Variants in FAM107B observed in about 807,000 individuals in gnomAD.
FAM107B encodes the protein family with sequence similarity 107 member B, also known as protein FAM107B.
In FAM107B, 21 loss-of-function variants were observed where a neutral mutation model predicts 31.5. That is an observed-to-expected ratio of 0.67 (90% CI 0.47 to 0.96). FAM107B has a LOEUF of 0.96. Among genes scored for constraint, FAM107B ranks in the 40% least tolerant of loss-of-function variants. The pLI is 0.00. For missense variants in FAM107B, 452 were observed against 377.1 expected, an observed-to-expected ratio of 1.20 and a Z score of -1.64; for synonymous variants, 157 against 141.5, an observed-to-expected ratio of 1.11 and a Z score of -0.78.
rs1188858140 is a variant in FAM107B at position 14,685,148 on chromosome 10, T to TA, written c.412-17458_412-17457insT. On this transcript the variant is annotated intron_variant, in intron 1 of 4. Coordinates refer to ENST00000181796, the MANE Select transcript of FAM107B (RefSeq NM_031453.4). ...CAGCCAATAACATCCTTTTATTTTTTTTTTTTTTTTTTTTTTTTGAGACAG... is the reference window on the plus strand; with the variant it reads ...CAGCCAATAACATCCTTTTATTTTTTATTTTTTTTTTTTTTTTTTGAGACAG... 9.8e-3 allele frequency among the ~76,000 whole-genome samples: 1,426 copies of TA among 146,050 alleles called. 46 individuals carry two copies. The highest frequency in any genetic ancestry group is 0.044 in the East Asian group (219 of 5,032).
chr10:14,597,319 C>A (rs748457432), intron 2 of FAM107B, among the ~76,000 whole-genome samples: 4 of 151,076 alleles, frequency 2.6e-5, no homozygotes, highest in Non-Finnish European at 5.9e-5. Flanking sequence ...TTAGCATTCA[C>A]CAGATACCTT....
At chr10:14,572,739 T>TTATATATATATATA (rs61477094) in intron 2 of FAM107B, among the ~76,000 whole-genome samples, 1 of 92,002 alleles carries the variant, frequency 1.1e-5, no homozygotes, top group African/African-American at 3.8e-5. Context: ...AAAAAAAAAT[T>TTATATATATATATA]TATATATATA....
At chr10:14,705,005 T>C (rs1855486104) in intron 1 of FAM107B, among the ~76,000 whole-genome samples, 1 of 118,108 alleles carries the variant, frequency 8.5e-6, no homozygotes, top group East Asian at 2.3e-4. Context: ...GACTGAGCAA[T>C]GGAGTGAGAC....
chr10:14,697,490 A>C (rs1855294414), intron 1 of FAM107B, among the ~76,000 whole-genome samples: 1 of 152,242 alleles, frequency 6.6e-6, no homozygotes, highest in Admixed American at 6.5e-5. Flanking sequence ...TTTGGCTGCA[A>C]ACAATGTGTA....
At chr10:14,756,355 G>C (rs560248184) in intron 1 of FAM107B, among the ~76,000 whole-genome samples, 7 of 152,288 alleles carry the variant, frequency 4.6e-5, no homozygotes, top group Non-Finnish European at 1.0e-4. Context: ...ACGAATCCAG[G>C]AGTAGCTGTG....
In FAM107B at chr10:14,704,966, G is replaced by A. The variant is rs1323487871; in HGVS notation, c.412-37275C>T. Reference sequence around the variant, plus strand: ...TTGAACCCGGGAGGCAGAGCTTGCCGCGAGCCAAGATGGCGCCACTGTACT... The same window carrying A: ...TTGAACCCGGGAGGCAGAGCTTGCCACGAGCCAAGATGGCGCCACTGTACT... On this transcript the variant is annotated intron_variant, in intron 1 of 4. Coordinates refer to ENST00000181796, the MANE Select transcript of FAM107B (RefSeq NM_031453.4). 9.1e-5 allele frequency among the ~76,000 whole-genome samples: 13 copies of A among 143,346 alleles called. No homozygotes were observed. The East Asian group carries it at 2.2e-3, about 24-fold the overall frequency. The allele number at this position is 143,346 out of a possible 152,430, so 94.0% of individuals were successfully genotyped here. A position where few individuals can be genotyped will look rare whatever the true frequency, so the allele number is the denominator to read the frequency against.
intron 1 of FAM107B, among the ~76,000 whole-genome samples, chr10:14,737,177 G>C (rs550539814): frequency 8.9e-4 from 135 of 152,278 alleles, no homozygotes; most frequent in African/African-American, 3.1e-3. Context: ...CTGCCTTACA[G>C]TGGGCTCTTT....
chr10:14,771,459 A>G (rs1301326876), intron 1 of FAM107B, among the ~76,000 whole-genome samples: 2 of 152,196 alleles, frequency 1.3e-5, no homozygotes, highest in African/African-American at 4.8e-5. Context: ...GTGTATTTCA[A>G]AATAGCTAGA....
chr10:14,695,097 C>T (rs932687171), intron 1 of FAM107B, among the ~76,000 whole-genome samples: 1 of 152,066 alleles, frequency 6.6e-6, no homozygotes, highest in African/African-American at 2.4e-5. Flanking sequence ...AGGAGCTTTC[C>T]CCCGGTTTCC....
intron 2 of FAM107B, among the ~76,000 whole-genome samples, chr10:14,550,356 T>C (rs980625132): frequency 6.6e-6 from 1 of 152,226 alleles, no homozygotes; most frequent in African/African-American, 2.4e-5. Flanking sequence ...TCTGCAGCTC[T>C]AGTCCTCGGC....
intron 2 of FAM107B, among the ~76,000 whole-genome samples, chr10:14,604,933 C>T (rs1018823698): frequency 4.6e-5 from 7 of 152,126 alleles, no homozygotes; most frequent in African/African-American, 1.7e-4. Flanking sequence ...TGTGCTCACC[C>T]CCATCTCTCT....
intron 1 of FAM107B, among the ~76,000 whole-genome samples, chr10:14,718,158 C>T (rs538845796): frequency 1.3e-5 from 2 of 152,228 alleles, no homozygotes; most frequent in South Asian, 4.2e-4. Context: ...GAAACCCTGT[C>T]TCTACTAAAA....
chr10:14,553,300 CA>C (rs1156880869), intron 2 of FAM107B: 26 of 1,222,652 alleles, frequency 2.1e-5, no homozygotes, highest in Non-Finnish European at 2.6e-5. Context: ...ATGACCGAGA[CA>C]GTAAATTTCC....
intron 2 of FAM107B, among the ~76,000 whole-genome samples, chr10:14,591,597 C>T (rs1852021447): frequency 6.6e-6 from 1 of 152,148 alleles, no homozygotes; most frequent in African/African-American, 2.4e-5. Context: ...ATTCAAACAA[C>T]AGTCATCGAT....
chr10:14,572,409 G>A (rs1017716390), intron 2 of FAM107B: 2 of 985,218 alleles, frequency 2.0e-6, no homozygotes, highest in South Asian at 4.7e-5. Context: ...CCAATTGGAG[G>A]AGGACAAGTT....
At chr10:14,566,704 C>A (rs1047829001) in intron 2 of FAM107B, among the ~76,000 whole-genome samples, 4 of 152,334 alleles carry the variant, frequency 2.6e-5, no homozygotes, top group East Asian at 1.9e-4. Flanking sequence ...GTAGAACATG[C>A]TCTCAAAATG....
chr10:14,685,144 T>G, intron 1 of FAM107B, among the ~76,000 whole-genome samples: 1 of 141,640 alleles, frequency 7.1e-6, no homozygotes. Flanking sequence ...ATCCTTTTAT[T>G]TTTTTTTTTT....
At chr10:14,622,227 C>T (rs1226632179) in intron 2 of FAM107B, among the ~76,000 whole-genome samples, 1 of 152,054 alleles carries the variant, frequency 6.6e-6, no homozygotes, top group Non-Finnish European at 1.5e-5. Context: ...GACTTACAGC[C>T]TAGCAGAGGA....
Position 14,568,556 on chromosome 10 carries a change from CA to C in FAM107B, c.470-38042del, listed in dbSNP as rs1564575023. ...GGTTAGACCAGGAGGTGAAGATACTCAGGTAAGAGGAGGCTGGCTGATGATC... is the reference window on the plus strand; with the variant it reads ...GGTTAGACCAGGAGGTGAAGATACTCGGTAAGAGGAGGCTGGCTGATGATC... On this transcript the variant is annotated intron_variant, in intron 2 of 4. Transcript: ENST00000181796. Among the ~76,000 whole-genome samples, 111 of 137,964 alleles carry C rather than the reference CA, an allele frequency of 8.0e-4. 1 individual carries two copies. Among genetic ancestry groups the C allele is most frequent in the South Asian group, 1.6e-3 (7 of 4,244 alleles). 90.5% of individuals were successfully genotyped at this position (137,964 alleles called of 152,430 possible). A position where few individuals can be genotyped will look rare whatever the true frequency, so the allele number is the denominator to read the frequency against.
Sources: allele counts gnomAD v4.1 joint callset (sites outside exome capture counted in the v4.1 genomes callset), GRCh38; gene constraint gnomAD v4.1.1; transcripts MANE v1.5; gene names NCBI Gene and HGNC (gene_info 2026-07-23, HGNC 2026-07-21).